WDSUB1: variants seen among roughly 807,000 people sequenced by gnomAD.
WDSUB1 encodes the protein WD repeat, sterile alpha motif and U-box domain containing 1.
WDSUB1 carries 49 observed loss-of-function variants against 53.9 expected under a neutral mutation model. The observed-to-expected ratio is 0.91, with a 90% confidence interval of 0.72 to 1.15. WDSUB1 has a LOEUF of 1.15. Among genes scored for constraint, WDSUB1 ranks in the 50% most tolerant of loss-of-function variants. WDSUB1 has a pLI of 0.00. For synonymous variants in WDSUB1, 194 were observed against 200.6 expected (o/e 0.97, Z 0.28); for missense variants, 514 against 562.0 (o/e 0.91, Z 0.86).
At chr2:159,272,845 A>G (rs190710492) in intron 4 of WDSUB1, among the ~76,000 whole-genome samples, 17 of 152,338 alleles carry the variant, frequency 1.1e-4, no homozygotes, top group Non-Finnish European at 1.0e-4. Context: ...AATCCTTTTC[A>G]TGCTTTTAGA....
rs148455296 is a variant in WDSUB1, at chr2:159,279,786, G to C, written c.558C>G (p.Cys186Trp). 2 of 1,601,480 alleles carry C rather than the reference G, an allele frequency of 1.2e-6. No homozygotes were observed. The highest frequency in any genetic ancestry group is 1.7e-5 in the Admixed American group (1 of 59,068). Residue 186 changes from cysteine to tryptophan, a missense_variant, in exon 3 of 11, where the codon TGC (cysteine) becomes TGG (tryptophan). Physicochemically the swap from Cys to Trp is radical, Grantham distance 215. Coordinates refer to ENST00000359774, the MANE Select transcript of WDSUB1 (RefSeq NM_001128212.3). ...EKAHDLGITCCDFSSQPVSDG... is the reference protein window; with the variant it reads ...EKAHDLGITCWDFSSQPVSDG... ...CAGAAACTGGCTGTGAAGAAAAATC[G>C]CAGCAGGTAATTCCAAGATCATGTG...
At chr2:159,255,604 C>A (rs1397960304) in intron 9 of WDSUB1, among the ~76,000 whole-genome samples, 1 of 152,094 alleles carries the variant, frequency 6.6e-6, no homozygotes, top group Non-Finnish European at 1.5e-5. Flanking sequence ...AGGCCATAGG[C>A]TTCCAAGAGA....
intron 10 of WDSUB1, among the ~76,000 whole-genome samples, chr2:159,236,655 T>TTTTGTTTG (rs71700060): frequency 1.3e-5 from 2 of 152,000 alleles, no homozygotes; most frequent in African/African-American, 4.8e-5. Context: ...ACTTAGGTTT[T>TTTTGTTTG]TTTGTTTGTT....
At chr2:159,253,053 G>A (rs948599712) in intron 9 of WDSUB1, among the ~76,000 whole-genome samples, 3 of 152,212 alleles carry the variant, frequency 2.0e-5, no homozygotes, top group Non-Finnish European at 4.4e-5. Flanking sequence ...CCAAGGCCTA[G>A]ATATAAACTG....
chr2:159,237,330 G>C (rs2060508715), intron 10 of WDSUB1, among the ~76,000 whole-genome samples: 1 of 152,156 alleles, frequency 6.6e-6, no homozygotes, highest in African/African-American at 2.4e-5. Flanking sequence ...AGACCAGCCT[G>C]GCCAACATGG....
chr2:159,246,357 G>A (rs146813592), intron 10 of WDSUB1, among the ~76,000 whole-genome samples: 12,405 of 150,000 alleles, frequency 0.083, 1,125 homozygotes, highest in African/African-American at 0.22. Flanking sequence ...GTGTGAACCC[G>A]AGAGGCGGAG....
chr2:159,285,655 G>C (rs1477999101), intron 1 of WDSUB1, among the ~76,000 whole-genome samples: 1 of 152,176 alleles, frequency 6.6e-6, no homozygotes, highest in African/African-American at 2.4e-5. Flanking sequence ...GCGGTGAGCT[G>C]TGATTGCACC....
intron 4 of WDSUB1, among the ~76,000 whole-genome samples, chr2:159,275,265 C>A (rs2061517300): frequency 1.3e-5 from 2 of 152,172 alleles, no homozygotes; most frequent in South Asian, 4.1e-4. Flanking sequence ...GTGGTATAAA[C>A]AGTGTTTACA....
intron 3 of WDSUB1, among the ~76,000 whole-genome samples, chr2:159,277,382 C>T (rs2061565311): frequency 6.6e-6 from 1 of 152,168 alleles, no homozygotes; most frequent in Non-Finnish European, 1.5e-5. Flanking sequence ...ACCTAATTAG[C>T]AACGCTATTT....
At chr2:159,256,056 T>C in intron 9 of WDSUB1, 140 bp downstream of exon 9, 1 of 696,154 alleles carries the variant, frequency 1.4e-6, no homozygotes, top group Non-Finnish European at 2.3e-6. Flanking sequence ...TCACAGCTGC[T>C]AGGATGGCCA....
intron 10 of WDSUB1, among the ~76,000 whole-genome samples, chr2:159,241,707 G>GTTTT (rs1419028137): frequency 9.1e-6 from 1 of 109,700 alleles, no homozygotes; most frequent in Non-Finnish European, 2.0e-5. Context: ...GACTGGGGAT[G>GTTTT]TTTTCTTTTT....
intron 5 of WDSUB1, among the ~76,000 whole-genome samples, chr2:159,265,574 G>T (rs918436271): frequency 2.0e-5 from 3 of 152,076 alleles, no homozygotes; most frequent in African/African-American, 7.2e-5. Context: ...CAAGCATGGT[G>T]GCCTGCAAGT....
At chr2:159,246,168 C>G (rs532058969) in intron 10 of WDSUB1, among the ~76,000 whole-genome samples, 1 of 152,306 alleles carries the variant, frequency 6.6e-6, no homozygotes, top group East Asian at 1.9e-4. Flanking sequence ...TACAGTGGCT[C>G]ACGCCTGTAA....
rs373694392 is a variant in WDSUB1 at position 159,247,886 on chromosome 2, AATATATATATATATATAT to A, written c.1273+468_1273+485del. On this transcript the variant is annotated intron_variant, in intron 10 of 10. Transcript: ENST00000359774. ...GGAAGCTGTAGGCCAAAATTAAATAAATATATATATATATATATATATAAATATATATATATATATAAA... is the reference window on the plus strand; with the variant it reads ...GGAAGCTGTAGGCCAAAATTAAATAAATATAAATATATATATATATATAAA... Among the ~76,000 whole-genome samples the A allele has an allele frequency of 2.4e-4, 15 of 63,800 alleles. 3 individuals carry two copies. In the Middle Eastern group the frequency reaches 0.03, roughly 128 times the overall value. The allele number at this position is 63,800 out of a possible 152,430, so 41.9% of individuals were successfully genotyped here.
chr2:159,272,195 G>A (rs2061456842), intron 4 of WDSUB1, among the ~76,000 whole-genome samples: 1 of 152,180 alleles, frequency 6.6e-6, no homozygotes, highest in South Asian at 2.1e-4. Flanking sequence ...TTACATTAAA[G>A]CAGAATCACC....
At chr2:159,267,811 G>A (rs2061375027) in intron 5 of WDSUB1, among the ~76,000 whole-genome samples, 1 of 151,918 alleles carries the variant, frequency 6.6e-6, no homozygotes, top group Non-Finnish European at 1.5e-5. Flanking sequence ...TATCTACTAA[G>A]TATGATTTAA....
chr2:159,252,708 A>T (rs4665049), intron 9 of WDSUB1, among the ~76,000 whole-genome samples: 53,532 of 152,200 alleles, frequency 0.35, 12,404 homozygotes, highest in Non-Finnish European at 0.54. Flanking sequence ...AAATCTACAT[A>T]ACGAATTAAT....
chr2:159,258,898 A>G (rs2061127698), intron 6 of WDSUB1, among the ~76,000 whole-genome samples: 1 of 152,180 alleles, frequency 6.6e-6, no homozygotes, highest in Non-Finnish European at 1.5e-5. Context: ...TTCTGTGTGG[A>G]AGACTAGCTT....
chr2:159,256,504 C>A lies in WDSUB1; in HGVS notation c.953-129G>T, dbSNP rs145878874. 3.4e-5 allele frequency: 31 copies of A among 903,094 alleles called. No individual in the cohort carries two copies. The East Asian group carries it at 8.4e-4, about 24-fold the overall frequency. The allele number at this position is 903,094 out of a possible 1,614,324, so 55.9% of individuals were successfully genotyped here. On this transcript the variant is annotated intron_variant, in intron 8 of 10. Coordinates refer to ENST00000359774, the MANE Select transcript of WDSUB1 (RefSeq NM_001128212.3). ...TTATAGCTAGGTACAGTGGCTCATG[C>A]CTATAATCCTAGCTTCTCAAGTGGC...
Sources: gnomAD v4.1 joint callset for allele counts (sites outside exome capture counted in the v4.1 genomes callset) on GRCh38, gnomAD v4.1.1 for gene constraint, MANE v1.5 for transcripts, NCBI Gene and HGNC (gene_info 2026-07-23, HGNC 2026-07-21) for gene names.